The following RUNX1 variants were observed in gnomAD, a reference collection of about 807,000 sequenced individuals.
RUNX1 encodes the protein RUNX family transcription factor 1.
In RUNX1, 19 loss-of-function variants were observed where a neutral mutation model predicts 42.8. The ratio of observed to expected loss-of-function variants is 0.44; its 90% CI spans 0.31 to 0.65. The LOEUF is 0.65. Among genes scored for constraint, RUNX1 ranks in the 30% least tolerant of loss-of-function variants. The pLI is 0.07. For missense variants in RUNX1, 528 were observed against 672.0 expected, an observed-to-expected ratio of 0.79 and a Z score of 2.37; for synonymous variants, 271 against 289.4, an observed-to-expected ratio of 0.94 and a Z score of 0.64.
intron 2 of RUNX1, among the ~76,000 whole-genome samples, chr21:34,997,941 G>A (rs1249090331): frequency 6.6e-6 from 1 of 152,164 alleles, no homozygotes; most frequent in East Asian, 1.9e-4. Flanking sequence ...TGGGGTGGAA[G>A]GACCAGGACT....
intron 2 of RUNX1, among the ~76,000 whole-genome samples, chr21:34,941,766 G>C (rs1381515229): frequency 3.3e-5 from 5 of 151,638 alleles, no homozygotes; most frequent in African/African-American, 1.2e-4. Context: ...ATGGAAGGCT[G>C]AAAATAGTTT....
intron 2 of RUNX1, among the ~76,000 whole-genome samples, chr21:34,976,110 T>C (rs148422622): frequency 9.1e-4 from 131 of 143,172 alleles, no homozygotes; most frequent in African/African-American, 3.1e-3. Flanking sequence ...TTGAAAAAAA[T>C]ACATCAATTG....
chr21:34,887,213 C>T (rs958403766), intron 3 of RUNX1, 117 bp from the exon 4 acceptor site: 10 of 1,182,512 alleles, frequency 8.5e-6, no homozygotes, highest in Non-Finnish European at 1.1e-5. Flanking sequence ...CCAACATACA[C>T]GTTCAGGGGC....
intron 2 of RUNX1, among the ~76,000 whole-genome samples, chr21:34,951,693 G>A (rs2058609179): frequency 6.6e-6 from 1 of 152,184 alleles, no homozygotes; most frequent in East Asian, 1.9e-4. Flanking sequence ...TCTCACACCA[G>A]TTAGAATGGT....
chr21:35,022,531 A>G lies in RUNX1; in HGVS notation c.58+26311T>C, dbSNP rs930363176. On this transcript the variant is annotated intron_variant, in intron 2 of 8. Coordinates refer to ENST00000675419, the MANE Select transcript of RUNX1 (RefSeq NM_001754.5). Reference sequence around the variant, plus strand: ...ATAGTTCCTCTCACAGCAACACTCTATGTTAGAGCATTTCCACCATTTAGA... The same window carrying G: ...ATAGTTCCTCTCACAGCAACACTCTGTGTTAGAGCATTTCCACCATTTAGA... Among the ~76,000 whole-genome samples the G allele has an allele frequency of 2.0e-5, 3 of 152,182 alleles. No homozygotes were observed. The East Asian group carries it at 5.8e-4, about 29-fold the overall frequency.
chr21:35,033,279 G>A (rs2059285932), intron 2 of RUNX1, among the ~76,000 whole-genome samples: 1 of 152,198 alleles, frequency 6.6e-6, no homozygotes, highest in Non-Finnish European at 1.5e-5. Context: ...GTCTCTGAAA[G>A]AACACACTCA....
intron 2 of RUNX1, among the ~76,000 whole-genome samples, chr21:34,908,270 A>G (rs147717704): frequency 3.9e-4 from 60 of 152,310 alleles, no homozygotes; most frequent in African/African-American, 1.4e-3. Flanking sequence ...ATGCAATGAG[A>G]TGCAAAAGGG....
chr21:34,824,388 T>G (rs1378383736), intron 7 of RUNX1, among the ~76,000 whole-genome samples: 1 of 152,222 alleles, frequency 6.6e-6, no homozygotes, highest in Non-Finnish European at 1.5e-5. Context: ...ATTATTATTT[T>G]GCTTTATTTA....
intron 7 of RUNX1, among the ~76,000 whole-genome samples, chr21:34,819,804 C>G (rs1221724510): frequency 6.6e-6 from 1 of 152,196 alleles, no homozygotes; most frequent in African/African-American, 2.4e-5. Context: ...GCCTCGTATT[C>G]CCACAGCTGT....
chr21:34,993,695 GCA>G (rs1170852901), intron 2 of RUNX1, among the ~76,000 whole-genome samples: 20 of 20,288 alleles, frequency 9.9e-4, no homozygotes, highest in Admixed American at 4.9e-3. Context: ...ACACACAGGC[GCA>G]CACACACACA....
chr21:34,972,187 C>T (rs982264256), intron 2 of RUNX1, among the ~76,000 whole-genome samples: 2 of 152,196 alleles, frequency 1.3e-5, no homozygotes, highest in Non-Finnish European at 2.9e-5. Context: ...TCAGATGACT[C>T]CTAAAATATT....
At chr21:34,964,840 A>G (rs972823559) in intron 2 of RUNX1, among the ~76,000 whole-genome samples, 3 of 152,228 alleles carry the variant, frequency 2.0e-5, no homozygotes, top group Non-Finnish European at 4.4e-5. Flanking sequence ...TGAGGGCATG[A>G]TGGCTGGCTA....
intron 6 of RUNX1, among the ~76,000 whole-genome samples, chr21:34,852,194 CA>C (rs1035396133): frequency 2.0e-5 from 3 of 151,908 alleles, no homozygotes; most frequent in Admixed American, 6.6e-5. Flanking sequence ...CAAAACAAAA[CA>C]AAACAACAAC....
intron 3 of RUNX1, among the ~76,000 whole-genome samples, chr21:34,891,253 G>C (rs2058078015): frequency 6.6e-6 from 1 of 152,166 alleles, no homozygotes; most frequent in South Asian, 2.1e-4. Flanking sequence ...GCTCAGCTAG[G>C]AGTTTCAACC....
Position 34,957,512 on chromosome 21 carries a change from T to C in RUNX1, c.59-64549A>G, listed in dbSNP as rs1489074983. Among the ~76,000 whole-genome samples the C allele has an allele frequency of 4.6e-5, 7 of 152,294 alleles. No individual in the cohort carries two copies. The East Asian group carries it at 1.2e-3, about 25-fold the overall frequency. On this transcript the variant is annotated intron_variant, in intron 2 of 8. Coordinates refer to ENST00000675419, the MANE Select transcript of RUNX1 (RefSeq NM_001754.5). ...GAATTCTGGGCAAGGGGTGCCTGTG[T>C]ACCTCTCCAGTGCCACCTGGGTGCC...
chr21:35,006,076 C>G (rs2059082122), intron 2 of RUNX1, among the ~76,000 whole-genome samples: 1 of 152,158 alleles, frequency 6.6e-6, no homozygotes, highest in African/African-American at 2.4e-5. Flanking sequence ...AAGTCATTCT[C>G]TAAGACAAGG....
At chr21:34,869,917 T>C (rs2057714103) in intron 5 of RUNX1, among the ~76,000 whole-genome samples, 1 of 152,234 alleles carries the variant, frequency 6.6e-6, no homozygotes, top group Non-Finnish European at 1.5e-5. Flanking sequence ...AAGGGGCACA[T>C]ATGAATCATA....
Position 35,039,754 on chromosome 21 carries a change from C to T in RUNX1, c.58+9088G>A, listed in dbSNP as rs116317105. On this transcript the variant is annotated intron_variant, in intron 2 of 8. Coordinates refer to ENST00000675419, the MANE Select transcript of RUNX1 (RefSeq NM_001754.5). ...GACAGTTGGATAGAATTTTCATTGT[C>T]GGCACTTCTACTTCTTTATATGACC... 8.1e-3 allele frequency among the ~76,000 whole-genome samples: 1,226 copies of T among 152,258 alleles called. 16 individuals are homozygous for T. Among genetic ancestry groups the T allele is most frequent in the African/African-American group, 0.028 (1,168 of 41,540 alleles).
chr21:34,968,552 C>A (rs2058737563), intron 2 of RUNX1, among the ~76,000 whole-genome samples: 1 of 152,134 alleles, frequency 6.6e-6, no homozygotes, highest in African/African-American at 2.4e-5. Context: ...TTATTCAAGA[C>A]TAAGACCCTC....
Sources: gnomAD v4.1 joint callset for allele counts (sites outside exome capture counted in the v4.1 genomes callset) on GRCh38, gnomAD v4.1.1 for gene constraint, MANE v1.5 for transcripts, NCBI Gene and HGNC (gene_info 2026-07-23, HGNC 2026-07-21) for gene names.